The following PCDH15 variants were observed in gnomAD, a reference collection of about 807,000 sequenced individuals.
The protein encoded by PCDH15 is protocadherin related 15, also known as protocadherin-15.
Under a neutral mutation model 178.5 loss-of-function variants are expected in PCDH15, and 129 were observed. That is an observed-to-expected ratio of 0.72 (90% CI 0.63 to 0.84). PCDH15 has a LOEUF of 0.84. PCDH15 is among the 40% of genes least tolerant of loss of function. The pLI is 0.00. For missense variants in PCDH15, 2,230 were observed against 2,099.9 expected (o/e 1.06, Z -1.21); for synonymous variants, 800 against 732.0 (o/e 1.09, Z -1.50).
At chr10:54,535,409 T>C (rs753067909) in intron 2 of PCDH15, among the ~76,000 whole-genome samples, 16 of 152,098 alleles carry the variant, frequency 1.1e-4, no homozygotes, top group South Asian at 2.1e-4. Context: ...CAGAAGCCCA[T>C]ACTTAGTCTT....
intron 2 of PCDH15, among the ~76,000 whole-genome samples, chr10:54,544,993 G>A (rs2085684222): frequency 6.6e-6 from 1 of 152,078 alleles, no homozygotes; most frequent in Non-Finnish European, 1.5e-5. Context: ...TAGGAAATGA[G>A]ATCAATTTAG....
At chr10:53,856,985 A>G (rs548155172) in intron 28 of PCDH15, among the ~76,000 whole-genome samples, 190 bp downstream of exon 28, 5 of 152,036 alleles carry the variant, frequency 3.3e-5, no homozygotes, top group Non-Finnish European at 7.4e-5. Context: ...GGGCTGACAA[A>G]TTAGCTATTG....
chr10:55,381,763 AT>A (rs1837538367), intron 2 of PCDH15, among the ~76,000 whole-genome samples: 4 of 152,146 alleles, frequency 2.6e-5, no homozygotes, highest in Admixed American at 2.6e-4. Context: ...GCCAAAAAGA[AT>A]TTTAAAAGTA....
chr10:54,386,201 A>C (rs946670038), intron 3 of PCDH15, among the ~76,000 whole-genome samples: 5 of 151,428 alleles, frequency 3.3e-5, no homozygotes, highest in Non-Finnish European at 7.4e-5. Flanking sequence ...CAGTGAAAGA[A>C]GAATTGTTTT....
intron 2 of PCDH15, among the ~76,000 whole-genome samples, chr10:55,523,412 A>G (rs1380343631): frequency 3.3e-5 from 5 of 151,688 alleles, no homozygotes; most frequent in Non-Finnish European, 7.4e-5. Context: ...CTGGAATACA[A>G]TGTGATGTTT....
chr10:53,923,962 TA>T, intron 25 of PCDH15, among the ~76,000 whole-genome samples: 1 of 151,960 alleles, frequency 6.6e-6, no homozygotes, highest in African/African-American at 2.4e-5. Flanking sequence ...CAAGGGACAA[TA>T]ATTTTTTTTT....
intron 2 of PCDH15, among the ~76,000 whole-genome samples, chr10:55,358,745 C>T (rs1272581956): frequency 6.6e-6 from 1 of 152,026 alleles, no homozygotes; most frequent in East Asian, 1.9e-4. Flanking sequence ...CACCCACTGA[C>T]ACCGCAACTA....
intron 20 of PCDH15, among the ~76,000 whole-genome samples, chr10:54,004,650 T>C (rs2092316400): frequency 1.3e-5 from 2 of 151,466 alleles, no homozygotes; most frequent in East Asian, 3.9e-4. Flanking sequence ...TTCAAGAAAA[T>C]GAAGAGAACA....
At chr10:54,907,991 C>A (rs1954753900) in intron 2 of PCDH15, among the ~76,000 whole-genome samples, 1 of 152,106 alleles carries the variant, frequency 6.6e-6, no homozygotes, top group African/African-American at 2.4e-5. Flanking sequence ...CTGGGAGAAA[C>A]CCAATCCAGA....
intron 25 of PCDH15, among the ~76,000 whole-genome samples, chr10:53,920,623 C>T (rs377402024): frequency 3.3e-5 from 5 of 152,172 alleles, no homozygotes; most frequent in Admixed American, 6.5e-5. Context: ...ATAAAGCATA[C>T]GTACACGAAA....
chr10:54,941,660 G>A (rs1304466), intron 2 of PCDH15, among the ~76,000 whole-genome samples: 3 of 151,904 alleles, frequency 2.0e-5, no homozygotes, highest in East Asian at 1.9e-4. Flanking sequence ...TTTGTAGACC[G>A]TGTAATTTTT....
chr10:53,912,938 C>G (rs572909460), intron 25 of PCDH15, among the ~76,000 whole-genome samples: 1 of 152,156 alleles, frequency 6.6e-6, no homozygotes, highest in Non-Finnish European at 1.5e-5. Flanking sequence ...CTGGGAAAAA[C>G]TACTTTAAAG....
intron 20 of PCDH15, among the ~76,000 whole-genome samples, chr10:54,003,509 A>C (rs1225525819): frequency 6.6e-6 from 1 of 152,070 alleles, no homozygotes; most frequent in Non-Finnish European, 1.5e-5. Context: ...GAAAATCAAG[A>C]AGAAACAAAT....
chr10:54,330,475 A>G (rs1038672964), intron 6 of PCDH15, among the ~76,000 whole-genome samples: 4 of 151,954 alleles, frequency 2.6e-5, no homozygotes, highest in Non-Finnish European at 5.9e-5. Context: ...TTATGAGACC[A>G]CCATTTGCTA....
intron 8 of PCDH15, among the ~76,000 whole-genome samples, chr10:54,295,952 G>A (rs59063521): frequency 0.51 from 75,231 of 148,942 alleles, 19,600 homozygotes; most frequent in Middle Eastern, 0.59. Context: ...AGACCATCCC[G>A]GCTAAAATGG....
At chr10:54,385,561 T>C (rs2048075073) in intron 3 of PCDH15, among the ~76,000 whole-genome samples, 1 of 152,138 alleles carries the variant, frequency 6.6e-6, no homozygotes, top group South Asian at 2.1e-4. Flanking sequence ...AAGCTTAAGT[T>C]TGATAATTAA....
At chr10:55,318,879 A>G (rs1012695884) in intron 1 of PCDH15, among the ~76,000 whole-genome samples, 6 of 151,202 alleles carry the variant, frequency 4.0e-5, no homozygotes, top group African/African-American at 1.5e-4. Flanking sequence ...AAAGGGAAGA[A>G]AAAGCATTTT....
chr10:54,484,508 C>T (rs140547696), intron 3 of PCDH15, among the ~76,000 whole-genome samples: 380 of 151,898 alleles, frequency 2.5e-3, no homozygotes, highest in Admixed American at 6.3e-3. Context: ...CAAAAGAATG[C>T]TAGAATACCT....
chr10:55,009,394 G>A (rs1030283890), intron 2 of PCDH15, among the ~76,000 whole-genome samples: 8 of 151,894 alleles, frequency 5.3e-5, no homozygotes, highest in Non-Finnish European at 1.2e-4. Flanking sequence ...TACTTTTTCT[G>A]CTTTTACTAC....
Sources: gnomAD v4.1 joint callset for allele counts (sites outside exome capture counted in the v4.1 genomes callset) on GRCh38, gnomAD v4.1.1 for gene constraint, MANE v1.5 for transcripts, NCBI Gene and HGNC (gene_info 2026-07-23, HGNC 2026-07-21) for gene names.